Variants in PPM1F observed in about 807,000 individuals in gnomAD.
PPM1F encodes protein phosphatase 1F.
In PPM1F, 17 loss-of-function variants were observed where a neutral mutation model predicts 35.5. The observed-to-expected ratio is 0.48, with a 90% CI of 0.33 to 0.72. The LOEUF (loss-of-function observed/expected upper bound fraction) is 0.72. Ranked by LOEUF, PPM1F falls within the 30% of genes least tolerant of loss-of-function variation. The pLI, the probability that PPM1F is intolerant of heterozygous loss-of-function variation, is 0.02. For synonymous variants in PPM1F, 241 were observed against 255.5 expected (o/e 0.94, Z 0.54); for missense variants, 521 against 613.0 (o/e 0.85, Z 1.59).
At chr22:21,925,048 C>T (rs2070495546) in intron 7 of PPM1F, 1 of 159,042 alleles carries the variant, frequency 6.3e-6, no homozygotes, top group African/African-American at 2.4e-5. Flanking sequence ...CAGGGGCTCA[C>T]TACCATGCCT....
chr22:21,939,643 C>T lies in PPM1F; in HGVS notation c.244G>A (p.Glu82Lys), dbSNP rs200384965. 311 of 1,555,710 alleles carry T rather than the reference C, an allele frequency of 2.0e-4. No individual in the cohort carries two copies. Among genetic ancestry groups the T allele is most frequent in the Non-Finnish European group, 2.5e-4 (290 of 1,148,838 alleles). ...GTCTGTAGCAGCTGTGAAACTGCTT[C>T]GTGGGCCAGAGCAGCAGCAAGTGGT... is the stretch of plus-strand genomic sequence containing the variant. ...PPPLAAALAH[E>K]AVSQLLQTDL... The change falls in exon 3 of 8, where the codon GAA (glutamate) becomes AAA (lysine). Residue 82 changes from glutamate (E) to lysine (K), a missense_variant. This residue lies in a region of PPM1F where 311 missense variants were observed against 351.5 expected (regional missense o/e 0.88). Coordinates refer to ENST00000263212, the MANE Select transcript of PPM1F (RefSeq NM_014634.4). The surrounding 1 kb of genome is among the most constrained non-coding windows in gnomAD (Gnocchi z 5.1).
At position 21,923,225 on chromosome 22, in the gene PPM1F, A is replaced by T. The variant is rs1373467397; in HGVS notation, c.1232T>A (p.Val411Asp). 6.2e-7 allele frequency: 1 copy of T among 1,613,096 alleles called. No individual in the cohort carries two copies. The change falls in exon 8 of 8, where the codon GTC becomes GAC. Residue 411 changes from valine (V) to aspartate (D), a missense_variant. By Grantham distance (152) the Val-to-Asp change is radical (BLOSUM62 -3). Around this residue, in one of 3 missense-constraint regions of PPM1F, gnomAD observed 163 missense variants for 169.6 expected, o/e 0.96. Coordinates refer to ENST00000263212, the MANE Select transcript of PPM1F (RefSeq NM_014634.4). ...CAGCTCTTGGGGGTCCCTGAGGAAG[A>T]CCACCATGACCGTGATGTTGTCGTG... ...GSHDNITVMV[V>D]FLRDPQELLE...
At position 21,933,476 on chromosome 22, in the gene PPM1F, G is replaced by T. The variant is rs2070618055; in HGVS notation, c.662C>A (p.Pro221Gln). The change falls in exon 5 of 8, where the codon CCA becomes CAA. Residue 221 changes from proline to glutamine, a missense_variant. Pro to Gln is a moderately conservative substitution (Grantham distance 76, BLOSUM62 -1). Coordinates refer to ENST00000263212, the MANE Select transcript of PPM1F (RefSeq NM_014634.4). Reference sequence around the variant, plus strand: ...TCCCTCAGGGTCTGTGGGCAGCTCTGGCTGGCGGGCAGCGTTGGTGTGCAC... The same window carrying T: ...TCCCTCAGGGTCTGTGGGCAGCTCTTGCTGGCGGGCAGCGTTGGTGTGCAC... ...VHVHTNAARQPELPTDPEGAL... is the reference protein window; with the variant it reads ...VHVHTNAARQQELPTDPEGAL... 6.2e-7 allele frequency: 1 copy of T among 1,613,484 alleles called. No individual in the cohort carries two copies. Among genetic ancestry groups the T allele is most frequent in the African/African-American group, 1.3e-5 (1 of 74,910 alleles).
chr22:21,930,507 A>G (rs1176874867), intron 6 of PPM1F, among the ~76,000 whole-genome samples: 1 of 152,228 alleles, frequency 6.6e-6, no homozygotes, highest in East Asian at 1.9e-4. Flanking sequence ...CCAAGAAAGG[A>G]TGGGTGCTCC....
At chr22:21,951,482 A>T (rs1003997197) in intron 1 of PPM1F, 1 of 150,178 alleles carries the variant, frequency 6.7e-6, no homozygotes, top group Non-Finnish European at 1.5e-5. Context: ...CAGCCTCCTG[A>T]GTAGCTAGGA....
intron 7 of PPM1F, among the ~76,000 whole-genome samples, chr22:21,924,623 T>G (rs1195400754): frequency 1.4e-5 from 2 of 145,194 alleles, no homozygotes; most frequent in Admixed American, 7.3e-5. Flanking sequence ...CAGGCTGGAG[T>G]GCAGTGGCAC....
chr22:21,929,468 T>G (rs924756984), intron 6 of PPM1F, among the ~76,000 whole-genome samples: 4 of 152,212 alleles, frequency 2.6e-5, no homozygotes, highest in African/African-American at 7.2e-5. Flanking sequence ...CATCTGTCCA[T>G]GCTCTGCCAC....
In PPM1F at chr22:21,933,529, C is replaced by T; in HGVS notation, c.609G>A (p.Val203=). 1 of 1,613,730 alleles carries T rather than the reference C, an allele frequency of 6.2e-7. No homozygotes were observed. ...YFAVFDGHGG[V]DAARYAAVHV... is the part of the protein sequence containing the mutation. ...GGACAGCGGCGTACCTCGCAGCATC[C>T]ACGCCTCCGTGACCATCAAACACAG... is the stretch of plus-strand genomic sequence containing the variant. The change falls in exon 5 of 8, where the codon GTG becomes GTA. Residue 203 remains valine, a synonymous_variant. Coordinates refer to ENST00000263212, the MANE Select transcript of PPM1F (RefSeq NM_014634.4).
chr22:21,942,268 A>ATT lies in PPM1F; in HGVS notation c.207-2590_207-2589dup, dbSNP rs574812447. 9.7e-4 allele frequency: 136 copies of ATT among 139,718 alleles called. 1 individual carries two copies. The highest frequency in any genetic ancestry group is 2.6e-3 in the African/African-American group (97 of 37,754). The allele number at this position is 139,718 out of a possible 1,614,324, so 8.7% of individuals were successfully genotyped here. ...AGGAATCTACCGGGATGGATTCCTG[A>ATT]TTTTTTTTTTTTTTTTTCTGAGACG... is the stretch of plus-strand genomic sequence containing the variant. On this transcript the variant is annotated intron_variant, in intron 2 of 7. Coordinates refer to ENST00000263212, the MANE Select transcript of PPM1F (RefSeq NM_014634.4).
intron 6 of PPM1F, among the ~76,000 whole-genome samples, chr22:21,927,941 TG>T (rs1339190093): frequency 1.4e-3 from 161 of 116,550 alleles, no homozygotes; most frequent in South Asian, 1.9e-3. Flanking sequence ...TTTTTTGTTT[TG>T]TTTTTTTTTT....
Position 21,923,156 on chromosome 22 carries a change from C to T in PPM1F, c.1301G>A (p.Gly434Glu), listed in dbSNP as rs1398840318. The part of the protein sequence containing the change: ...NQGEGDPQAE[G>E]RRQDLPSSLP... ...GCTGGAGGGCAAGTCCTGCCTCCTC[C>T]CTTCTGCCTGGGGGTCCCCTTCTCC... The change falls in exon 8 of 8, where the codon GGG becomes GAG. Residue 434 changes from glycine to glutamate, a missense_variant. Physicochemically the swap from Gly to Glu is moderately conservative, Grantham distance 98. This residue lies in a region of PPM1F where 163 missense variants were observed against 169.6 expected (regional missense o/e 0.96). Transcript: ENST00000263212. 3.1e-6 allele frequency: 5 copies of T among 1,613,688 alleles called. 1 individual carries two copies. In the South Asian group the frequency reaches 5.5e-5, roughly 18 times the overall value.
chr22:21,938,252 G>T (rs1255249847), intron 3 of PPM1F: 1 of 1,299,392 alleles, frequency 7.7e-7, no homozygotes, highest in Non-Finnish European at 1.0e-6. Flanking sequence ...CCCATCAGGC[G>T]GGGAGGGCCT....
At chr22:21,934,559 T>C (rs935705625) in intron 3 of PPM1F, 6 of 281,138 alleles carry the variant, frequency 2.1e-5, no homozygotes, top group African/African-American at 9.0e-5. Context: ...AAATACTATA[T>C]ATCCAATGAC....
At chr22:21,943,178 T>A (rs985864581) in intron 2 of PPM1F, 1 of 152,100 alleles carries the variant, frequency 6.6e-6, no homozygotes, top group African/African-American at 2.4e-5. Context: ...AAGCCCTTCA[T>A]GCCCAAGAGC....
Position 21,946,041 on chromosome 22 carries a change from G to A in PPM1F, c.8C>T (p.Ser3Phe). The change falls in exon 2 of 8, where the codon TCT (serine) becomes TTT (phenylalanine). Residue 3 changes from serine to phenylalanine, a missense_variant. Around this residue, in one of 3 missense-constraint regions of PPM1F, gnomAD observed 311 missense variants for 351.5 expected, o/e 0.88. Transcript: ENST00000263212. MS[S>F]GAPQKSSPMA... ...TGGGCTGCTCTTCTGTGGGGCTCCA[G>A]AGGACATGCCCAAAGCATCCCGGGG... 6.5e-7 allele frequency: 1 copy of A among 1,541,084 alleles called. No homozygotes were observed.
intron 3 of PPM1F, chr22:21,938,922 C>G (rs1006847140): frequency 1.3e-5 from 2 of 154,768 alleles, no homozygotes; most frequent in Non-Finnish European, 1.4e-5. Flanking sequence ...GTTCCCCTGG[C>G]CACACCATGC....
chr22:21,947,486 T>A (rs2070788932), intron 1 of PPM1F: 1 of 152,026 alleles, frequency 6.6e-6, no homozygotes, highest in Admixed American at 6.6e-5. Context: ...AAAAAAGAAA[T>A]CCTACACAGT....
chr22:21,927,399 G>A (rs1013787820), intron 6 of PPM1F, among the ~76,000 whole-genome samples: 7 of 152,222 alleles, frequency 4.6e-5, no homozygotes, highest in African/African-American at 1.7e-4. Context: ...CCTGGGGAGG[G>A]GCTGTGAGCG....
intron 3 of PPM1F, chr22:21,934,659 C>T (rs5995268): frequency 0.39 from 60,567 of 155,908 alleles, 12,156 homozygotes; most frequent in Middle Eastern, 0.48. Flanking sequence ...CCGAGGTGGG[C>T]GGATCACCCG....
Sources: allele counts gnomAD v4.1 joint callset (sites outside exome capture counted in the v4.1 genomes callset), GRCh38; gene constraint gnomAD v4.1.1; regional missense constraint gnomAD v4.1.1; non-coding constraint Gnocchi (gnomAD v3.1); transcripts MANE v1.5; gene names NCBI Gene and HGNC (gene_info 2026-07-23, HGNC 2026-07-21).